Variants in CHRNB1 observed in about 807,000 individuals in gnomAD.
CHRNB1 encodes the protein cholinergic receptor nicotinic beta 1 subunit.
A neutral mutation model predicts 53.8 loss-of-function variants in CHRNB1; 47 were observed. That is an observed-to-expected ratio of 0.87 (90% CI 0.69 to 1.11). The LOEUF is 1.11. Among genes scored for constraint, CHRNB1 ranks in the 50% most tolerant of loss-of-function variants. The probability of loss-of-function intolerance (pLI) is 0.00; values close to 1 mark genes in which losing one functional copy is unlikely to be tolerated. For synonymous variants in CHRNB1, 259 were observed against 263.5 expected, an observed-to-expected ratio of 0.98 and a Z score of 0.16; for missense variants, 605 against 654.9, an observed-to-expected ratio of 0.92 and a Z score of 0.83.
intron 6 of CHRNB1, among the ~76,000 whole-genome samples, chr17:7,447,898 A>C (rs1478317505): frequency 6.6e-6 from 1 of 151,438 alleles, no homozygotes; most frequent in Non-Finnish European, 1.5e-5. Context: ...ACGTGGTGAA[A>C]CCCCGTCTCT....
At chr17:7,454,153 A>G in intron 7 of CHRNB1, 144 bp from the exon 8 acceptor site, 1 of 753,594 alleles carries the variant, frequency 1.3e-6, no homozygotes, top group South Asian at 1.5e-5. Flanking sequence ...TGGCCTCCCA[A>G]AGTGCCAGGA....
chr17:7,456,262 C>T (rs141458029), intron 10 of CHRNB1, among the ~76,000 whole-genome samples: 3 of 152,132 alleles, frequency 2.0e-5, no homozygotes, highest in Non-Finnish European at 4.4e-5. Context: ...CCATGTTGGC[C>T]AGGCTGGTCT....
At chr17:7,449,264 C>T (rs1323522889) in intron 7 of CHRNB1, among the ~76,000 whole-genome samples, 5 of 151,706 alleles carry the variant, frequency 3.3e-5, no homozygotes, top group African/African-American at 4.8e-5. Flanking sequence ...CCACCACGCC[C>T]GGCTAATTTT....
At chr17:7,449,394 G>A (rs1432729358) in intron 7 of CHRNB1, among the ~76,000 whole-genome samples, 1 of 147,100 alleles carries the variant, frequency 6.8e-6, no homozygotes, top group Admixed American at 6.9e-5. Context: ...TGAGCCACAG[G>A]GCCCGACCTT....
chr17:7,446,846 A>G lies in CHRNB1; in HGVS notation c.257A>G (p.Tyr86Cys), dbSNP rs1555551838. The G allele has an allele frequency of 6.2e-7, 1 of 1,613,850 alleles. No homozygotes were observed. The highest frequency in any genetic ancestry group is 1.3e-5 in the African/African-American group (1 of 75,048). ...KVYLDLEWTD[Y>C]RLSWDPAEHD... ...CTGCTTCACTAGGAGTGGACTGACT[A>G]CAGGCTGAGCTGGGACCCTGCGGAG... The change falls in exon 4 of 11, where the codon TAC becomes TGC. Residue 86 changes from tyrosine (Y) to cysteine (C), a missense_variant. Coordinates refer to ENST00000306071, the MANE Select transcript of CHRNB1 (RefSeq NM_000747.3).
In CHRNB1 at chr17:7,455,481, T is replaced by A. The variant is rs201761770; in HGVS notation, c.1217+25T>A. Reference sequence around the variant, plus strand: ...GGTAGGACTACGCCCGTTACCCACATAAGAGGGAGAGGGAGAACTACAGTT... The same window carrying A: ...GGTAGGACTACGCCCGTTACCCACAAAAGAGGGAGAGGGAGAACTACAGTT... On this transcript the variant is annotated intron_variant, in intron 9 of 10. Coordinates refer to ENST00000306071, the MANE Select transcript of CHRNB1 (RefSeq NM_000747.3). 1.2e-5 allele frequency: 20 copies of A among 1,613,134 alleles called. No individual in the cohort carries two copies. The Admixed American group carries it at 3.3e-4, about 27-fold the overall frequency.
Position 7,446,095 on chromosome 17 carries a change from A to C in CHRNB1, c.225A>C (p.Thr75=), listed in dbSNP as rs755858048. ...SLNEKDEEMS[T]KVYLDLEWTD... ...ACGAGAAGGATGAAGAGATGAGCAC[A>C]AAGGTGTACTTAGACCTGGTATGGA... Residue 75 remains threonine, a synonymous_variant, in exon 3 of 11, where the codon ACA becomes ACC. Coordinates refer to ENST00000306071, the MANE Select transcript of CHRNB1 (RefSeq NM_000747.3). The C allele has an allele frequency of 1.2e-5, 20 of 1,614,084 alleles. No individual in the cohort carries two copies. Among genetic ancestry groups the C allele is most frequent in the Non-Finnish European group, 1.7e-5 (20 of 1,179,952 alleles).
intron 7 of CHRNB1, among the ~76,000 whole-genome samples, chr17:7,453,551 T>G (rs2150841958): frequency 6.6e-6 from 1 of 151,864 alleles, no homozygotes; most frequent in Middle Eastern, 3.4e-3. Flanking sequence ...TAGGAATGAT[T>G]TACATGCAGA....
chr17:7,455,451 C>CA lies in CHRNB1; in HGVS notation c.1214dup (p.Asn405LysfsTer2). 1 of 1,614,034 alleles carries CA rather than the reference C, an allele frequency of 6.2e-7. No individual in the cohort carries two copies. Among genetic ancestry groups the CA allele is most frequent in the Non-Finnish European group, 8.5e-7 (1 of 1,179,974 alleles). On this transcript the variant is annotated frameshift_variant, in exon 9 of 11. Coordinates refer to ENST00000306071, the MANE Select transcript of CHRNB1 (RefSeq NM_000747.3). LOFTEE classifies it high-confidence loss of function. The stretch of plus-strand genomic sequence containing the variant: ...CAAGTGATTTTCTCTTCCCCAAACC[C>CA]AATAGGTAGGACTACGCCCGTTACC...
intron 6 of CHRNB1, 81 bp downstream of exon 6, chr17:7,447,731 C>T: frequency 6.6e-7 from 1 of 1,523,746 alleles, no homozygotes; most frequent in Non-Finnish European, 9.1e-7. Context: ...GTCAGTGATG[C>T]CCAATATAGC....
chr17:7,449,104 ATTTTTT>A (rs34122873), intron 7 of CHRNB1, among the ~76,000 whole-genome samples: 1 of 132,608 alleles, frequency 7.5e-6, no homozygotes, highest in Non-Finnish European at 1.6e-5. Flanking sequence ...TACTCCTTTA[ATTTTTT>A]TTTTTTTTTT....
At chr17:7,456,081 G>C in intron 10 of CHRNB1, 140 bp downstream of exon 10, 1 of 688,408 alleles carries the variant, frequency 1.5e-6, no homozygotes, top group Non-Finnish European at 2.2e-6. Context: ...TTGAGACAGA[G>C]TCTCGCTCTG....
chr17:7,454,547 CA>C (rs1430559804), intron 8 of CHRNB1, 27 bp downstream of exon 8: 1 of 1,584,784 alleles, frequency 6.3e-7, no homozygotes, highest in Non-Finnish European at 8.7e-7. Context: ...CCTCCAACCC[CA>C]ATTTTCCTTT....
chr17:7,455,738 G>C (rs1383422900), intron 9 of CHRNB1, 56 bp from the exon 10 acceptor site: 11 of 1,612,732 alleles, frequency 6.8e-6, no homozygotes, highest in Non-Finnish European at 9.3e-6. Context: ...GCGGGGCCTG[G>C]GTCGCCGGCA....
chr17:7,448,939 C>T, intron 7 of CHRNB1, 151 bp downstream of exon 7: 1 of 795,940 alleles, frequency 1.3e-6, no homozygotes, highest in Non-Finnish European at 2.1e-6. Flanking sequence ...TTGACTGCCA[C>T]CTTTCCTCCG....
chr17:7,455,642 A>C, intron 9 of CHRNB1, 152 bp from the exon 10 acceptor site: 2 of 1,269,946 alleles, frequency 1.6e-6, no homozygotes, highest in Non-Finnish European at 2.3e-6. Flanking sequence ...AAGAAGTTGC[A>C]CAAGGCTAGA....
chr17:7,452,132 T>C (rs1908913990), intron 7 of CHRNB1, among the ~76,000 whole-genome samples: 2 of 151,610 alleles, frequency 1.3e-5, no homozygotes, highest in Non-Finnish European at 2.9e-5. Flanking sequence ...CTTGGCTCAC[T>C]GCAACCTCCG....
In CHRNB1 at chr17:7,445,321, G is replaced by A; in HGVS notation, c.110G>A (p.Gly37Asp). The A allele has an allele frequency of 6.2e-7, 1 of 1,613,148 alleles. No homozygotes were observed. The highest frequency in any genetic ancestry group is 2.2e-5 in the East Asian group (1 of 44,870). Reference protein sequence around the residue: ...EGRLREKLFSGYDSSVRPARE... With the variant: ...EGRLREKLFSDYDSSVRPARE... Reference sequence around the variant, plus strand: ...CGACTCCGGGAGAAACTTTTCTCTGGCTATGATAGCTCCGTGCGGCCAGCG... The same window carrying A: ...CGACTCCGGGAGAAACTTTTCTCTGACTATGATAGCTCCGTGCGGCCAGCG... Residue 37 changes from glycine to aspartate, a missense_variant, in exon 2 of 11, where the codon GGC becomes GAC. Physicochemically the swap from Gly to Asp is moderately conservative, Grantham distance 94. Coordinates refer to ENST00000306071, the MANE Select transcript of CHRNB1 (RefSeq NM_000747.3). The surrounding 1 kb of genome is among the most constrained non-coding windows in gnomAD (Gnocchi z 5.7).
intron 7 of CHRNB1, among the ~76,000 whole-genome samples, chr17:7,449,414 T>A (rs150466968): frequency 0.015 from 2,193 of 145,950 alleles, 33 homozygotes; most frequent in Non-Finnish European, 0.023. Context: ...TTTTTTTTTT[T>A]TTTTTTTTTT....
Sources: gnomAD v4.1 joint callset for allele counts (sites outside exome capture counted in the v4.1 genomes callset) on GRCh38, gnomAD v4.1.1 for gene constraint, Gnocchi (gnomAD v3.1) non-coding constraint, MANE v1.5 for transcripts, NCBI Gene and HGNC (gene_info 2026-07-23, HGNC 2026-07-21) for gene names.